RPGRIP1L: variants seen among roughly 807,000 people sequenced by gnomAD.
RPGRIP1L encodes RPGRIP1 like.
In RPGRIP1L, 131 loss-of-function variants were observed where a neutral mutation model predicts 160.4. That is an observed-to-expected ratio of 0.82 (90% CI 0.71 to 0.94). The LOEUF (loss-of-function observed/expected upper bound fraction) is 0.94, where lower values mean the gene tolerates loss of function less well. Among genes scored for constraint, RPGRIP1L ranks in the 40% least tolerant of loss-of-function variants. The pLI is 0.00. For missense variants in RPGRIP1L, 1,522 were observed against 1,535.8 expected, an observed-to-expected ratio of 0.99 and a Z score of 0.15; for synonymous variants, 510 against 515.8, an observed-to-expected ratio of 0.99 and a Z score of 0.15.
At chr16:53,698,159 C>T (rs1450207756) in intron 2 of RPGRIP1L, among the ~76,000 whole-genome samples, 46 of 151,540 alleles carry the variant, frequency 3.0e-4, no homozygotes, top group African/African-American at 2.9e-4. Flanking sequence ...GGAGCCCCTC[C>T]GCCCGGCAGC....
intron 4 of RPGRIP1L, 93 bp downstream of exon 4, chr16:53,691,973 G>C (rs1970412805): frequency 8.6e-7 from 1 of 1,156,178 alleles, no homozygotes; most frequent in African/African-American, 1.5e-5. Flanking sequence ...ACACTTAAAA[G>C]CATGCGTAAT....
chr16:53,647,663 G>A (rs1347518989), intron 16 of RPGRIP1L, among the ~76,000 whole-genome samples: 1 of 152,184 alleles, frequency 6.6e-6, no homozygotes, highest in East Asian at 1.9e-4. Context: ...GCCACTGGGA[G>A]CCCAGCTCCA....
chr16:53,641,521 T>C, intron 17 of RPGRIP1L, 46 bp from the exon 18 acceptor site: 1 of 1,518,750 alleles, frequency 6.6e-7, no homozygotes, highest in Non-Finnish European at 9.1e-7. Context: ...TGAAGTTTTA[T>C]TACTGTAAGA....
intron 10 of RPGRIP1L, among the ~76,000 whole-genome samples, chr16:53,663,466 G>A (rs925782645): frequency 1.3e-5 from 2 of 151,980 alleles, no homozygotes; most frequent in East Asian, 1.9e-4. Context: ...TTTCCTTTCC[G>A]TTTAAGAATG....
At chr16:53,603,745 C>T (rs953496155) in intron 26 of RPGRIP1L, among the ~76,000 whole-genome samples, 2 of 150,264 alleles carry the variant, frequency 1.3e-5, no homozygotes, top group African/African-American at 4.9e-5. Flanking sequence ...AGCCTTAAAA[C>T]TTGATACACA....
chr16:53,619,082 G>C lies in RPGRIP1L; in HGVS notation c.3559C>G (p.Pro1187Ala), dbSNP rs1410032900. ...CTCTTGGGTTTTGGAAGTGACACGGGTGTCTCTTCAGCAGGAAGACTGTAG... is the reference window on the plus strand; with the variant it reads ...CTCTTGGGTTTTGGAAGTGACACGGCTGTCTCTTCAGCAGGAAGACTGTAG... ...RFYSLPAEET[P>A]VSLPKPKSGQ... Residue 1187 changes from proline (P) to alanine (A), a missense_variant, in exon 24 of 27, where the codon CCC (proline) becomes GCC (alanine). Pro to Ala is a conservative substitution (Grantham distance 27, BLOSUM62 -1). Transcript: ENST00000647211. 10 of 1,614,042 alleles carry C rather than the reference G, an allele frequency of 6.2e-6. No individual in the cohort carries two copies. Among genetic ancestry groups the C allele is most frequent in the Non-Finnish European group, 8.5e-6 (10 of 1,179,978 alleles).
intron 16 of RPGRIP1L, among the ~76,000 whole-genome samples, chr16:53,648,637 C>CACACACAT (rs1158398948): frequency 2.6e-5 from 4 of 151,966 alleles, no homozygotes; most frequent in Non-Finnish European, 5.9e-5. Context: ...CACACACACA[C>CACACACAT]ACACACACAC....
At chr16:53,685,096 C>CA (rs566355668) in intron 6 of RPGRIP1L, among the ~76,000 whole-genome samples, 2 of 150,958 alleles carry the variant, frequency 1.3e-5, no homozygotes, top group Non-Finnish European at 3.0e-5. Flanking sequence ...ATCATGTGGC[C>CA]AAAAAAACAT....
At chr16:53,702,351 T>A (rs1162311655) in intron 1 of RPGRIP1L, among the ~76,000 whole-genome samples, 10 of 152,206 alleles carry the variant, frequency 6.6e-5, no homozygotes, top group Admixed American at 6.5e-4. Context: ...GTAGAGGCCA[T>A]GGATGATGCT....
intron 14 of RPGRIP1L, chr16:53,653,356 T>C (rs1567842480): frequency 2.8e-6 from 3 of 1,066,030 alleles, no homozygotes; most frequent in Non-Finnish European, 3.4e-6. Context: ...TCAGTCTCTC[T>C]TTCTGCTGCC....
chr16:53,617,441 C>T (rs1166452984), intron 24 of RPGRIP1L, among the ~76,000 whole-genome samples: 1 of 152,086 alleles, frequency 6.6e-6, no homozygotes, highest in South Asian at 2.1e-4. Flanking sequence ...TTTTCTGGTA[C>T]TCTGCAACTG....
rs1415430987 is a variant in RPGRIP1L at position 53,657,620 on chromosome 16, G to C, written c.1414C>G (p.Gln472Glu). The C allele has an allele frequency of 4.4e-6, 7 of 1,575,222 alleles. No homozygotes were observed. The South Asian group carries it at 8.1e-5, about 18-fold the overall frequency. Residue 472 changes from glutamine (Q) to glutamate (E), a missense_variant, in exon 13 of 27, where the codon CAA becomes GAA. Transcript: ENST00000647211. ...ALLLIKAQKE[Q>E]KNGDLSFLVK... ...AAAAAGGAAAGGTCTCCATTTTTTT[G>C]TTCTTTTTGAGCCTAAAATAAAAAA...
At chr16:53,698,793 C>T (rs1307325732) in intron 2 of RPGRIP1L, among the ~76,000 whole-genome samples, 2 of 151,254 alleles carry the variant, frequency 1.3e-5, no homozygotes, top group African/African-American at 4.9e-5. Flanking sequence ...ACCCGGCCAG[C>T]CGCCTCGTCC....
intron 15 of RPGRIP1L, among the ~76,000 whole-genome samples, chr16:53,649,753 G>A (rs1188575544): frequency 6.6e-6 from 1 of 152,140 alleles, no homozygotes; most frequent in Non-Finnish European, 1.5e-5. Flanking sequence ...CAGGAGAGTA[G>A]AGCCCTGTGC....
intron 25 of RPGRIP1L, among the ~76,000 whole-genome samples, chr16:53,607,314 A>T (rs1963752112): frequency 6.6e-6 from 1 of 152,218 alleles, no homozygotes; most frequent in Admixed American, 6.5e-5. Flanking sequence ...TAATATAGAT[A>T]GAGTTGCTTA....
intron 22 of RPGRIP1L, among the ~76,000 whole-genome samples, chr16:53,629,586 T>G (rs1287554223): frequency 2.0e-5 from 3 of 152,252 alleles, no homozygotes; most frequent in Non-Finnish European, 4.4e-5. Flanking sequence ...TCTTTTGCTA[T>G]TATTCAACAT....
At chr16:53,683,755 A>G (rs1276702317) in intron 6 of RPGRIP1L, among the ~76,000 whole-genome samples, 1 of 152,074 alleles carries the variant, frequency 6.6e-6, no homozygotes, top group Non-Finnish European at 1.5e-5. Flanking sequence ...ATATTTAAAA[A>G]GATAAAGTAT....
At chr16:53,675,326 T>C (rs1476873316) in intron 6 of RPGRIP1L, among the ~76,000 whole-genome samples, 2 of 152,152 alleles carry the variant, frequency 1.3e-5, no homozygotes, top group Admixed American at 6.5e-5. Flanking sequence ...TCCTGAACTT[T>C]CATAACCTTG....
intron 24 of RPGRIP1L, among the ~76,000 whole-genome samples, chr16:53,611,392 A>AT (rs1964026627): frequency 6.6e-6 from 1 of 152,214 alleles, no homozygotes; most frequent in South Asian, 2.1e-4. Context: ...GATTTACTGC[A>AT]TTTTCTTTCA....
Sources: gnomAD v4.1 joint callset for allele counts (sites outside exome capture counted in the v4.1 genomes callset) on GRCh38, gnomAD v4.1.1 for gene constraint, MANE v1.5 for transcripts, NCBI Gene and HGNC (gene_info 2026-07-23, HGNC 2026-07-21) for gene names.